Variants in EXD2 observed in about 807,000 individuals in gnomAD.
EXD2 encodes exonuclease 3'-5' domain containing 2.
In EXD2, 40 loss-of-function variants were observed where a neutral mutation model predicts 62.5. The observed-to-expected ratio is 0.64, with a 90% CI of 0.50 to 0.83. The LOEUF (loss-of-function observed/expected upper bound fraction) is 0.83. Among genes scored for constraint, EXD2 ranks in the 40% least tolerant of loss-of-function variants. EXD2 has a pLI of 0.00. For synonymous variants in EXD2, 239 were observed against 291.9 expected (o/e 0.82, Z 1.85); for missense variants, 671 against 761.8 (o/e 0.88, Z 1.40).
intron 3 of EXD2, among the ~76,000 whole-genome samples, chr14:69,214,803 T>A (rs987991600): frequency 6.6e-6 from 1 of 152,206 alleles, no homozygotes; most frequent in Non-Finnish European, 1.5e-5. Flanking sequence ...ACCTGTTTTT[T>A]AAATTTAGTA....
intron 3 of EXD2, among the ~76,000 whole-genome samples, chr14:69,216,991 C>T (rs1024628902): frequency 6.6e-6 from 1 of 152,072 alleles, no homozygotes; most frequent in Non-Finnish European, 1.5e-5. Flanking sequence ...TTCTCATCCT[C>T]CTCTCCTCCC....
chr14:69,240,847 G>A (rs965683566), intron 9 of EXD2, 37 bp from the exon 10 acceptor site: 3 of 1,589,666 alleles, frequency 1.9e-6, no homozygotes, highest in African/African-American at 1.3e-5. Context: ...TCCTGCGCTT[G>A]TTTCCCTCAG....
At chr14:69,204,404 C>T (rs1334837930) in intron 2 of EXD2, among the ~76,000 whole-genome samples, 1 of 152,048 alleles carries the variant, frequency 6.6e-6, no homozygotes, top group African/African-American at 2.4e-5. Context: ...ACCCGCATCT[C>T]TACAAGAAAT....
intron 2 of EXD2, among the ~76,000 whole-genome samples, chr14:69,206,488 A>G (rs1452835189): frequency 4.7e-5 from 2 of 42,558 alleles, no homozygotes; most frequent in Admixed American, 2.9e-4. Flanking sequence ...TTTTTTTTTG[A>G]GATAGGGTCT....
At chr14:69,237,432 C>T (rs2140043504) in intron 8 of EXD2, 143 bp from the exon 9 acceptor site, 2 of 704,192 alleles carry the variant, frequency 2.8e-6, no homozygotes, top group East Asian at 2.5e-5. Flanking sequence ...TACTGCCTTT[C>T]TGTGATCTGT....
In EXD2 at chr14:69,242,215, G is replaced by A. The variant is rs1347816749; in HGVS notation, c.*1115G>A. ...GATTAGTAATTTTTCTAAAGTATTG[G>A]GAAAACTTTCTTATTTTATAAGATC... On this transcript the variant is annotated 3_prime_UTR_variant, in exon 10 of 10. Coordinates refer to ENST00000685843, the MANE Select transcript of EXD2 (RefSeq NM_001193360.2). 5.1e-6 allele frequency: 2 copies of A among 394,110 alleles called. No individual in the cohort carries two copies. Among genetic ancestry groups the A allele is most frequent in the African/African-American group, 4.1e-5 (2 of 48,410 alleles). The allele number at this position is 394,110 out of a possible 1,614,324, so 24.4% of individuals were successfully genotyped here.
chr14:69,201,017 T>G (rs1244787496), intron 1 of EXD2, among the ~76,000 whole-genome samples: 1 of 151,210 alleles, frequency 6.6e-6, no homozygotes, highest in East Asian at 2.0e-4. Flanking sequence ...GAAGTTGCAG[T>G]GAGCTGAGAT....
chr14:69,220,841 C>G (rs1177319989), intron 3 of EXD2, among the ~76,000 whole-genome samples: 1 of 152,042 alleles, frequency 6.6e-6, no homozygotes, highest in Non-Finnish European at 1.5e-5. Context: ...TGCACTCCAG[C>G]CTGGTCAACA....
At chr14:69,202,661 C>T (rs2042448840) in intron 1 of EXD2, among the ~76,000 whole-genome samples, 1 of 152,088 alleles carries the variant, frequency 6.6e-6, no homozygotes, top group Non-Finnish European at 1.5e-5. Flanking sequence ...GTTTACAAAA[C>T]CTCTTCAAAT....
intron 2 of EXD2, among the ~76,000 whole-genome samples, chr14:69,205,624 A>G (rs755184631): frequency 6.6e-6 from 1 of 152,056 alleles, no homozygotes; most frequent in Non-Finnish European, 1.5e-5. Context: ...TGATGGCTCT[A>G]TGCACTATTT....
chr14:69,236,153 G>T lies in EXD2; in HGVS notation c.1156+1G>T. 1 of 1,612,070 alleles carries T rather than the reference G, an allele frequency of 6.2e-7. No homozygotes were observed. The highest frequency in any genetic ancestry group is 8.5e-7 in the Non-Finnish European group (1 of 1,178,100). On this transcript the variant is annotated splice_donor_variant, in intron 7 of 9. Transcript: ENST00000685843. LOFTEE classifies it high-confidence loss of function. ...TGGTACCTGGACAAAGGCATTGGTG[G>T]TATGAGATTCAGCTGTCCTTGTTTA... is the stretch of plus-strand genomic sequence containing the variant.
intron 6 of EXD2, chr14:69,235,772 G>C (rs1407753367): frequency 3.8e-5 from 17 of 449,760 alleles, no homozygotes; most frequent in Non-Finnish European, 1.2e-5. Context: ...ATTCACAGCA[G>C]AGCTGTGTGT....
chr14:69,237,855 C>A lies in EXD2; in HGVS notation c.1573C>A (p.Gln525Lys). ...LPTQRKEELL[Q>K]ALREFYNTDV... is the part of the protein sequence containing the mutation. ...TACTCAGCGAAAGGAGGAGCTGCTG[C>A]AAGCACTCAGAGAGTTTTATAACAC... The change falls in exon 9 of 10, where the codon CAA becomes AAA. Residue 525 changes from glutamine (Q) to lysine (K), a missense_variant. Coordinates refer to ENST00000685843, the MANE Select transcript of EXD2 (RefSeq NM_001193360.2). 1.9e-6 allele frequency: 3 copies of A among 1,612,572 alleles called. No homozygotes were observed. Among genetic ancestry groups the A allele is most frequent in the Non-Finnish European group, 2.5e-6 (3 of 1,179,446 alleles).
Position 69,236,404 on chromosome 14 carries a change from A to G in EXD2, c.1157-3A>G. ...GTCAAACACTGATGTCTCTTCTCTT[A>G]AGAGCTGGTGAGTGAAGAGCCCTTT... is the stretch of plus-strand genomic sequence containing the variant. On this transcript the variant is annotated splice_region_variant and splice_polypyrimidine_tract_variant and intron_variant, in intron 7 of 9. Coordinates refer to ENST00000685843, the MANE Select transcript of EXD2 (RefSeq NM_001193360.2). 6.2e-7 allele frequency: 1 copy of G among 1,614,112 alleles called. No homozygotes were observed. The highest frequency in any genetic ancestry group is 1.1e-5 in the South Asian group (1 of 91,072).
Position 69,237,836 on chromosome 14 carries a change from G to T in EXD2, c.1554G>T (p.Gln518His), listed in dbSNP as rs8007859. 1,054,271 of 1,612,670 alleles carry T rather than the reference G, an allele frequency of 0.65. 351,294 individuals carry two copies. Among genetic ancestry groups the T allele is most frequent in the East Asian group, 0.95 (42,693 of 44,870 alleles). ...TCAACGCGGAGAGCCTGCCTACTCA[G>T]CGAAAGGAGGAGCTGCTGCAAGCAC... ...ALLNAESLPT[Q>H]RKEELLQALR... Residue 518 changes from glutamine (Q) to histidine (H), a missense_variant, in exon 9 of 10, where the codon CAG becomes CAT. Coordinates refer to ENST00000685843, the MANE Select transcript of EXD2 (RefSeq NM_001193360.2).
intron 1 of EXD2, chr14:69,191,944 C>T (rs2042041405): frequency 1.3e-5 from 2 of 152,280 alleles, no homozygotes; most frequent in African/African-American, 4.8e-5. Flanking sequence ...GTGTCCCAGT[C>T]AGCTAAAAAG....
At chr14:69,204,444 A>G (rs907378078) in intron 2 of EXD2, among the ~76,000 whole-genome samples, 2 of 152,038 alleles carry the variant, frequency 1.3e-5, no homozygotes, top group Non-Finnish European at 2.9e-5. Context: ...GGTGGCATGC[A>G]CCTGTACCCC....
At chr14:69,231,761 T>C (rs1485464838) in intron 5 of EXD2, among the ~76,000 whole-genome samples, 3 of 152,144 alleles carry the variant, frequency 2.0e-5, no homozygotes, top group Admixed American at 6.5e-5. Context: ...ACTCTCATCC[T>C]GGAATTTGCA....
At chr14:69,219,758 A>G (rs1221001028) in intron 3 of EXD2, among the ~76,000 whole-genome samples, 5 of 152,170 alleles carry the variant, frequency 3.3e-5, no homozygotes, top group South Asian at 2.1e-4. Context: ...TTGGATTTCT[A>G]TATAGACTAT....
Sources: gnomAD v4.1 joint callset for allele counts (sites outside exome capture counted in the v4.1 genomes callset) on GRCh38, gnomAD v4.1.1 for gene constraint, MANE v1.5 for transcripts, NCBI Gene and HGNC (gene_info 2026-07-23, HGNC 2026-07-21) for gene names.